Variants in SPDYE5 observed in about 807,000 individuals in gnomAD.
SPDYE5 encodes the protein speedy protein E5.
In SPDYE5, 15 loss-of-function variants were observed where a neutral mutation model predicts 48.5. That is an observed-to-expected ratio of 0.31 (90% CI 0.21 to 0.48). SPDYE5 has a LOEUF of 0.48. Ranked by LOEUF, SPDYE5 falls within the 20% of genes least tolerant of loss-of-function variation. The pLI is 0.99. For synonymous variants in SPDYE5, 116 were observed against 200.7 expected (o/e 0.58, Z 3.57); for missense variants, 331 against 549.1 (o/e 0.60, Z 3.97).
At chr7:75,500,669 G>A (rs1390595118) in intron 6 of SPDYE5, among the ~76,000 whole-genome samples, 3 of 151,958 alleles carry the variant, frequency 2.0e-5, no homozygotes, top group East Asian at 1.9e-4. Context: ...TATTAGCTCC[G>A]ACTACAGGGC....
intron 8 of SPDYE5, 104 bp downstream of exon 8, chr7:75,502,086 A>C: frequency 7.3e-7 from 1 of 1,361,192 alleles, no homozygotes; most frequent in Non-Finnish European, 9.9e-7. Context: ...CAACGTGGCG[A>C]GATCCCCTCT....
chr7:75,492,578 C>G (rs1166213064), intron 1 of SPDYE5, among the ~76,000 whole-genome samples, 137 bp downstream of exon 1: 2 of 151,838 alleles, frequency 1.3e-5, no homozygotes, highest in African/African-American at 4.8e-5. Flanking sequence ...GCTGCGATTA[C>G]AGGCATCCAC....
chr7:75,501,987 A>G lies in SPDYE5; in HGVS notation c.*45+5A>G. On this transcript the variant is annotated splice_donor_5th_base_variant and intron_variant, in intron 8 of 8. Coordinates refer to ENST00000625065, the MANE Select transcript of SPDYE5 (RefSeq NM_001306141.4). ...AGGTCATCGGCCTGAGAGAAGGTAC[A>G]TCTGCATCCTCCGGGGTAAAGGCAG... 6 of 1,518,858 alleles carry G rather than the reference A, an allele frequency of 4.0e-6. No individual in the cohort carries two copies. The South Asian group carries it at 6.9e-5, about 17-fold the overall frequency. The allele number at this position is 1,518,858 out of a possible 1,614,324, so 94.1% of individuals were successfully genotyped here. A position where few individuals can be genotyped will look rare whatever the true frequency, so the allele number is the denominator to read the frequency against.
At chr7:75,497,473 A>G (rs1275851041) in intron 4 of SPDYE5, among the ~76,000 whole-genome samples, 3 of 150,654 alleles carry the variant, frequency 2.0e-5, no homozygotes, top group African/African-American at 7.3e-5. Context: ...AATCAAATAA[A>G]GAAAAACAAA....
Position 75,494,146 on chromosome 7 carries a change from G to A in SPDYE5, c.99G>A (p.Gln33=). ...AACCCCAGAATGAGCAGAGTCCCCA[G>A]CGGAGCACCTCGGGGTACCCCCTCC... The part of the protein sequence containing the change: ...QPQPQNEQSP[Q]RSTSGYPLQE... Residue 33 remains glutamine (Q), a synonymous_variant, in exon 2 of 9, where the codon CAG becomes CAA. Coordinates refer to ENST00000625065, the MANE Select transcript of SPDYE5 (RefSeq NM_001306141.4). The A allele has an allele frequency of 6.5e-7, 1 of 1,535,376 alleles. No homozygotes were observed. The highest frequency in any genetic ancestry group is 1.2e-5 in the South Asian group (1 of 83,966).
chr7:75,495,075 A>G (rs1554482286), intron 2 of SPDYE5, 81 bp from the exon 3 acceptor site: 1 of 1,557,584 alleles, frequency 6.4e-7, no homozygotes, highest in East Asian at 2.3e-5. Context: ...GGGAGGATGG[A>G]GAGTGGTTTG....
intron 6 of SPDYE5, among the ~76,000 whole-genome samples, chr7:75,500,433 A>G (rs1793101729): frequency 6.7e-6 from 1 of 149,540 alleles, no homozygotes; most frequent in African/African-American, 2.5e-5. Flanking sequence ...CTCTCTAGTT[A>G]CATCCTGGAC....
At chr7:75,494,477 G>A (rs1425739442) in intron 2 of SPDYE5, among the ~76,000 whole-genome samples, 4 of 150,088 alleles carry the variant, frequency 2.7e-5, no homozygotes, top group South Asian at 4.2e-4. Flanking sequence ...AGACTGGGAG[G>A]AAGAGGTTGC....
intron 1 of SPDYE5, among the ~76,000 whole-genome samples, 61 bp downstream of exon 1, chr7:75,492,502 G>C (rs879949228): frequency 2.0e-5 from 3 of 152,100 alleles, no homozygotes; most frequent in Non-Finnish European, 4.4e-5. Flanking sequence ...ACAATGGTGC[G>C]ATCTTGGCTC....
In SPDYE5 at chr7:75,503,784, T is replaced by A. The variant is rs587740851; in HGVS notation, c.*997T>A. ...AATTATTTAAATATTATTTTATTTA[T>A]TGAAATATTTATTAAATATATTTAT... On this transcript the variant is annotated 3_prime_UTR_variant, in exon 9 of 9. Coordinates refer to ENST00000625065, the MANE Select transcript of SPDYE5 (RefSeq NM_001306141.4). The A allele has an allele frequency of 6.7e-6, 1 of 149,580 alleles. No individual in the cohort carries two copies. Among genetic ancestry groups the A allele is most frequent in the East Asian group, 1.9e-4 (1 of 5,172 alleles). The allele number at this position is 149,580 out of a possible 1,614,324, so 9.3% of individuals were successfully genotyped here. A position where few individuals can be genotyped will look rare whatever the true frequency, so the allele number is the denominator to read the frequency against.
At chr7:75,492,475 G>A (rs1468001488) in intron 1 of SPDYE5, among the ~76,000 whole-genome samples, 34 bp downstream of exon 1, 1 of 152,122 alleles carries the variant, frequency 6.6e-6, no homozygotes, top group Non-Finnish European at 1.5e-5. Flanking sequence ...AGTTTTGCTC[G>A]TTGCCCAGAC....
At position 75,494,068 on chromosome 7, in the gene SPDYE5, G is replaced by C. The variant is rs587696185; in HGVS notation, c.21G>C (p.Arg7Ser). The change falls in exon 2 of 9, where the codon AGG (arginine) becomes AGC (serine). Residue 7 changes from arginine to serine, a missense_variant. Physicochemically the swap from Arg to Ser is moderately radical, Grantham distance 110. Transcript: ENST00000625065. ...AGGCCATGGACAGAACGGAGACTAG[G>C]TTCCGTAAGAGGGGACAGATTACGG... The part of the protein sequence containing the change: MDRTET[R>S]FRKRGQITEK... 297 of 1,533,526 alleles carry C rather than the reference G, an allele frequency of 1.9e-4. 6 individuals are homozygous for C. In the South Asian group the frequency reaches 3.4e-3, roughly 18 times the overall value. 95.0% of individuals were successfully genotyped at this position (1,533,526 alleles called of 1,614,324 possible).
chr7:75,492,843 G>T (rs3973274), intron 1 of SPDYE5, among the ~76,000 whole-genome samples: 19 of 152,250 alleles, frequency 1.2e-4, no homozygotes, highest in South Asian at 6.2e-4. Flanking sequence ...TTGCCCAGAC[G>T]GGAGTGCAGT....
At position 75,501,480 on chromosome 7, in the gene SPDYE5, G is replaced by A. The variant is rs368092531; in HGVS notation, c.874G>A (p.Gly292Ser). ...GCTCCGTAAGCGTTGGTTCCAGTTA[G>A]GCCGTTCCATGAACCCGAGGGCCAG... is the stretch of plus-strand genomic sequence containing the variant. Reference protein sequence around the residue: ...PLLRKRWFQLGRSMNPRARKK... With the variant: ...PLLRKRWFQLSRSMNPRARKK... Residue 292 changes from glycine to serine, a missense_variant, in exon 7 of 9, where the codon GGC becomes AGC. By Grantham distance (56) the Gly-to-Ser change is moderately conservative (BLOSUM62 0). Transcript: ENST00000625065. 2.9e-5 allele frequency: 44 copies of A among 1,494,648 alleles called. No homozygotes were observed. The African/African-American group carries it at 4.2e-4, about 14-fold the overall frequency. The allele number at this position is 1,494,648 out of a possible 1,614,324, so 92.6% of individuals were successfully genotyped here.
In SPDYE5 at chr7:75,501,575, G is replaced by C; in HGVS notation, c.969G>C (p.Arg323Ser). 1 of 1,606,688 alleles carries C rather than the reference G, an allele frequency of 6.2e-7. No homozygotes were observed. The change falls in exon 7 of 9, where the codon AGG becomes AGC. Residue 323 changes from arginine (R) to serine (S), a missense_variant. This residue lies in a region of SPDYE5 where 5 missense variants were observed against 25.5 expected (regional missense o/e 0.20). Transcript: ENST00000625065. ...AGTTAGGCCGTTCCATGAACCCGAG[G>C]GCCAGGAAGAACCGCTCTCGCATAC... ...RFQLGRSMNP[R>S]ARKNRSRIPL...
chr7:75,503,037 T>A lies in SPDYE5; in HGVS notation c.*250T>A, dbSNP rs1257415917. ...GGGGGTGGGGTCCTTCTAGGAGTCC[T>A]TGGAGAAAAGTAAGAAACCAGGAGT... On this transcript the variant is annotated 3_prime_UTR_variant, in exon 9 of 9. Coordinates refer to ENST00000625065, the MANE Select transcript of SPDYE5 (RefSeq NM_001306141.4). 2.0e-6 allele frequency: 1 copy of A among 488,712 alleles called. No homozygotes were observed. Among genetic ancestry groups the A allele is most frequent in the African/African-American group, 1.9e-5 (1 of 51,306 alleles). 30.3% of individuals were successfully genotyped at this position (488,712 alleles called of 1,614,324 possible). A position where few individuals can be genotyped will look rare whatever the true frequency, so the allele number is the denominator to read the frequency against.
intron 8 of SPDYE5, among the ~76,000 whole-genome samples, chr7:75,502,190 A>G (rs1420737234): frequency 2.1e-4 from 32 of 150,776 alleles, no homozygotes; most frequent in African/African-American, 6.8e-4. Flanking sequence ...TGGAGCCTGG[A>G]AGGTCGGGGC....
intron 6 of SPDYE5, among the ~76,000 whole-genome samples, chr7:75,501,032 C>T (rs1317156865): frequency 1.3e-4 from 20 of 152,132 alleles, no homozygotes; most frequent in African/African-American, 3.1e-4. Context: ...TTAATAGAGA[C>T]GAGGGTCTTG....
At chr7:75,496,646 T>C in intron 3 of SPDYE5, 28 bp from the exon 4 acceptor site, 1 of 1,597,562 alleles carries the variant, frequency 6.3e-7, no homozygotes, top group Non-Finnish European at 8.5e-7. Context: ...GCAGAAGCAT[T>C]ACACCATGGC....
Sources: allele counts gnomAD v4.1 joint callset (sites outside exome capture counted in the v4.1 genomes callset), GRCh38; gene constraint gnomAD v4.1.1; regional missense constraint gnomAD v4.1.1; transcripts MANE v1.5; gene names NCBI Gene and HGNC (gene_info 2026-07-23, HGNC 2026-07-21).